SLC46A1: variants seen among roughly 807,000 people sequenced by gnomAD.
SLC46A1 encodes the protein proton-coupled folate transporter.
SLC46A1 carries 17 observed loss-of-function variants against 32.1 expected under a neutral mutation model. That is an observed-to-expected ratio of 0.53 (90% CI 0.36 to 0.79). SLC46A1 has a LOEUF of 0.79. Ranked by LOEUF, SLC46A1 falls within the 30% of genes least tolerant of loss-of-function variation. The pLI is 0.00. For synonymous variants in SLC46A1, 240 were observed against 262.7 expected, an observed-to-expected ratio of 0.91 and a Z score of 0.84; for missense variants, 517 against 588.2, an observed-to-expected ratio of 0.88 and a Z score of 1.25.
At chr17:28,401,170 TCA>T (rs782362764) in intron 3 of SLC46A1, 3 of 251,586 alleles carry the variant, frequency 1.2e-5, no homozygotes, top group Non-Finnish European at 2.4e-5. Flanking sequence ...CATAGCGGTG[TCA>T]CCACTGAATA....
chr17:28,400,363 G>A (rs1394668793), intron 4 of SLC46A1: 15 of 505,920 alleles, frequency 3.0e-5, no homozygotes, highest in Non-Finnish European at 5.0e-5. Context: ...AACTGGGAGA[G>A]AGAACACAGC....
At position 28,395,980 on chromosome 17, in the gene SLC46A1, G is replaced by A. The variant is rs782348595; in HGVS notation, c.*3676C>T. ...TGGCTTCGAGTGGCCTGAGCCCCAGGTCCTGCCTGAGGACATGCAGGCTGT... is the reference window on the plus strand; with the variant it reads ...TGGCTTCGAGTGGCCTGAGCCCCAGATCCTGCCTGAGGACATGCAGGCTGT... On this transcript the variant is annotated 3_prime_UTR_variant, in exon 5 of 5. Coordinates refer to ENST00000612814, the MANE Select transcript of SLC46A1 (RefSeq NM_080669.6). The A allele has an allele frequency of 6.2e-7, 1 of 1,613,958 alleles. No individual in the cohort carries two copies. Among genetic ancestry groups the A allele is most frequent in the South Asian group, 1.1e-5 (1 of 91,084 alleles).
chr17:28,402,274 C>T lies in SLC46A1; in HGVS notation c.1129G>A (p.Ala377Thr), dbSNP rs1567816854. Residue 377 changes from alanine to threonine, a missense_variant, in exon 3 of 5, where the codon GCT (alanine) becomes ACT (threonine). Physicochemically the swap from Ala to Thr is moderately conservative, Grantham distance 58. Transcript: ENST00000612814. ...TCTCTCACCAGCTTGGAGAGTTTAG[C>T]CCGGATGACAGGTGTGATGACTAAT... is the stretch of plus-strand genomic sequence containing the variant. Reference protein sequence around the residue: ...LSLVITPVIRAKLSKLVRETE... With the variant: ...LSLVITPVIRTKLSKLVRETE... 1 of 1,613,600 alleles carries T rather than the reference C, an allele frequency of 6.2e-7. No homozygotes were observed. The highest frequency in any genetic ancestry group is 8.5e-7 in the Non-Finnish European group (1 of 1,179,758).
chr17:28,399,798 G>C (rs2068174376), intron 4 of SLC46A1, 85 bp from the exon 5 acceptor site: 1 of 1,453,588 alleles, frequency 6.9e-7, no homozygotes, highest in South Asian at 1.2e-5. Context: ...ATTTACTGGG[G>C]TGGGCTGGTC....
intron 2 of SLC46A1, chr17:28,403,980 T>C (rs1555590188): frequency 1.3e-5 from 2 of 154,736 alleles, no homozygotes; most frequent in Non-Finnish European, 2.9e-5. Context: ...GCCACTGCAC[T>C]CTAGCCTGGG....
chr17:28,404,873 A>G lies in SLC46A1; in HGVS notation c.824T>C (p.Phe275Ser). 1 of 1,614,050 alleles carries G rather than the reference A, an allele frequency of 6.2e-7. No homozygotes were observed. The highest frequency in any genetic ancestry group is 8.5e-7 in the Non-Finnish European group (1 of 1,179,902). ...KHLALYSLAIFVVITVHFGAQ... is the reference protein window; with the variant it reads ...KHLALYSLAISVVITVHFGAQ... ...CCCAAAGTGCACAGTGATCACCACGAAGATGGCCAGTGAGTAGAGGGCTAA... is the reference window on the plus strand; with the variant it reads ...CCCAAAGTGCACAGTGATCACCACGGAGATGGCCAGTGAGTAGAGGGCTAA... Residue 275 changes from phenylalanine (F) to serine (S), a missense_variant, in exon 2 of 5, where the codon TTC (phenylalanine) becomes TCC (serine). Coordinates refer to ENST00000612814, the MANE Select transcript of SLC46A1 (RefSeq NM_080669.6).
chr17:28,399,763 G>A (rs1364033848), intron 4 of SLC46A1, 50 bp from the exon 5 acceptor site: 4 of 1,600,990 alleles, frequency 2.5e-6, no homozygotes, highest in Non-Finnish European at 2.6e-6. Flanking sequence ...GAACCCTCAA[G>A]GCCTGTCTGG....
At chr17:28,401,147 C>A (rs41297109) in intron 3 of SLC46A1, 6 of 322,668 alleles carry the variant, frequency 1.9e-5, no homozygotes, top group Non-Finnish European at 3.6e-5. Flanking sequence ...CTGGTCTGAT[C>A]AGTTCCAATA....
At chr17:28,400,837 C>T in intron 3 of SLC46A1, 71 bp from the exon 4 acceptor site, 1 of 1,408,518 alleles carries the variant, frequency 7.1e-7, no homozygotes, top group Non-Finnish European at 9.8e-7. Flanking sequence ...CACCACCTCA[C>T]AGCTGTGTGA....
upstream of SLC46A1, chr17:28,406,283 T>C: frequency 4.0e-6 from 2 of 496,208 alleles, no homozygotes; most frequent in Non-Finnish European, 6.4e-6. The surrounding 1 kb of genome is among the most constrained non-coding windows in gnomAD (Gnocchi z 4.5). Flanking sequence ...CACCGGACTC[T>C]CGCCGCGGGT....
Position 28,400,662 on chromosome 17 carries a change from A to T in SLC46A1, c.1270T>A (p.Phe424Ile). The change falls in exon 4 of 5, where the codon TTC becomes ATC. Residue 424 changes from phenylalanine (F) to isoleucine (I), a missense_variant. Physicochemically the swap from Phe to Ile is conservative, Grantham distance 21. Transcript: ENST00000612814. ...AGGCCAGCTCCCAGGAGGAAGGGGA[A>T]CCCCTTCATAAAGTTCAGAGTGGCT... ...YPATLNFMKG[F>I]PFLLGAGLLL... The T allele has an allele frequency of 6.2e-7, 1 of 1,613,580 alleles. No individual in the cohort carries two copies. The highest frequency in any genetic ancestry group is 1.1e-5 in the South Asian group (1 of 90,988).
In SLC46A1 at chr17:28,399,622, C is replaced by T. The variant is rs1555589050; in HGVS notation, c.*34G>A. The T allele has an allele frequency of 2.5e-6, 4 of 1,612,666 alleles. No individual in the cohort carries two copies. Among genetic ancestry groups the T allele is most frequent in the South Asian group, 1.1e-5 (1 of 90,986 alleles). Reference sequence around the variant, plus strand: ...CTCCAGTTGCTTGGTGTTCACTTTGCTCCTCTTGCCCTCTGTCTTCTGGTC... The same window carrying T: ...CTCCAGTTGCTTGGTGTTCACTTTGTTCCTCTTGCCCTCTGTCTTCTGGTC... On this transcript the variant is annotated 3_prime_UTR_variant, in exon 5 of 5. Coordinates refer to ENST00000612814, the MANE Select transcript of SLC46A1 (RefSeq NM_080669.6).
At chr17:28,406,256 G>A (rs1350218422), upstream of SLC46A1, 1 of 643,364 alleles carries the variant, frequency 1.6e-6, no homozygotes, top group Non-Finnish European at 2.2e-6. The surrounding 1 kb of genome is among the most constrained non-coding windows in gnomAD (Gnocchi z 4.5). Flanking sequence ...GGCGGGGAGG[G>A]GCCTGTGACC....
At position 28,404,708 on chromosome 17, in the gene SLC46A1, G is replaced by T; in HGVS notation, c.989C>A (p.Ala330Asp). 1 of 1,614,010 alleles carries T rather than the reference G, an allele frequency of 6.2e-7. No individual in the cohort carries two copies. Among genetic ancestry groups the T allele is most frequent in the Non-Finnish European group, 8.5e-7 (1 of 1,179,862 alleles). ...GCCGATCTCAGCTACCCAGGCATCG[G>T]CCAGGCAGTACTGCAGGAGCTTCAG... ...LALKLLQYCLADAWVAEIGLA... is the reference protein window; with the variant it reads ...LALKLLQYCLDDAWVAEIGLA... The change falls in exon 2 of 5, where the codon GCC becomes GAC. Residue 330 changes from alanine to aspartate, a missense_variant. Transcript: ENST00000612814.
Position 28,396,067 on chromosome 17 carries a change from A to G in SLC46A1, c.*3589T>C. The G allele has an allele frequency of 6.2e-7, 1 of 1,613,602 alleles. No homozygotes were observed. Among genetic ancestry groups the G allele is most frequent in the Non-Finnish European group, 8.5e-7 (1 of 1,179,668 alleles). On this transcript the variant is annotated 3_prime_UTR_variant, in exon 5 of 5. Coordinates refer to ENST00000612814, the MANE Select transcript of SLC46A1 (RefSeq NM_080669.6). ...CTGGGACCAGGGGGGTAGGGTACAAATCACCATGACAGGCAGAGTGTGGGC... is the reference window on the plus strand; with the variant it reads ...CTGGGACCAGGGGGGTAGGGTACAAGTCACCATGACAGGCAGAGTGTGGGC...
chr17:28,404,543 G>A, intron 2 of SLC46A1, 73 bp downstream of exon 2: 1 of 1,562,714 alleles, frequency 6.4e-7, no homozygotes, highest in South Asian at 1.2e-5. Flanking sequence ...ACATCTGGGG[G>A]CAGTGAGTGG....
Position 28,405,457 on chromosome 17 carries a change from G to C in SLC46A1, c.240C>G (p.Thr80=), listed in dbSNP as rs2068248478. The change falls in exon 2 of 5, where the codon ACC becomes ACG. Residue 80 remains threonine, a synonymous_variant. Coordinates refer to ENST00000612814, the MANE Select transcript of SLC46A1 (RefSeq NM_080669.6). ...TGTAGAGGGTCCAGTGGGAGGTAAG[G>C]GTCTCCACTTCCTGTAGGGGCACAA... The part of the protein sequence containing the change: ...SADPTMQEVE[T]LTSHWTLYMN... The C allele has an allele frequency of 6.3e-7, 1 of 1,597,412 alleles. No homozygotes were observed. The highest frequency in any genetic ancestry group is 1.1e-5 in the South Asian group (1 of 88,034).
In SLC46A1 at chr17:28,398,332, T is replaced by G. The variant is rs2068155962; in HGVS notation, c.*1324A>C. The G allele has an allele frequency of 6.6e-6, 1 of 152,356 alleles. No homozygotes were observed. The highest frequency in any genetic ancestry group is 6.5e-5 in the Admixed American group (1 of 15,282). The allele number at this position is 152,356 out of a possible 1,614,324, so 9.4% of individuals were successfully genotyped here. A position where few individuals can be genotyped will look rare whatever the true frequency, so the allele number is the denominator to read the frequency against. On this transcript the variant is annotated 3_prime_UTR_variant, in exon 5 of 5. Transcript: ENST00000612814. Reference sequence around the variant, plus strand: ...GTTGACCTCTGCCCGATCTTCTGTCTCTCTGAGGGAATCAGAGTCCAGCAT... The same window carrying G: ...GTTGACCTCTGCCCGATCTTCTGTCGCTCTGAGGGAATCAGAGTCCAGCAT...
chr17:28,395,641 A>G lies in SLC46A1; in HGVS notation c.*4015T>C. 2 of 394,050 alleles carry G rather than the reference A, an allele frequency of 5.1e-6. No homozygotes were observed. Among genetic ancestry groups the G allele is most frequent in the Non-Finnish European group, 9.3e-6 (2 of 214,780 alleles). The allele number at this position is 394,050 out of a possible 1,614,324, so 24.4% of individuals were successfully genotyped here. ...AGCACCCCCCGGGCCCCCAGTGGGG[A>G]ATCATCTCTTTAGCATACAAAGACA... On this transcript the variant is annotated 3_prime_UTR_variant, in exon 5 of 5. Coordinates refer to ENST00000612814, the MANE Select transcript of SLC46A1 (RefSeq NM_080669.6).
Sources: allele counts gnomAD v4.1 joint callset, GRCh38; gene constraint gnomAD v4.1.1; non-coding constraint Gnocchi (gnomAD v3.1); transcripts MANE v1.5; gene names NCBI Gene and HGNC (gene_info 2026-07-23, HGNC 2026-07-21).